ACSS2: variants seen among roughly 807,000 people sequenced by gnomAD.
ACSS2 encodes acyl-CoA synthetase short chain family member 2.
A neutral mutation model predicts 90.6 loss-of-function variants in ACSS2; 58 were observed. The ratio of observed to expected loss-of-function variants is 0.64; its 90% confidence interval spans 0.52 to 0.80. The LOEUF is 0.80. Among genes scored for constraint, ACSS2 ranks in the 30% least tolerant of loss-of-function variants. The pLI is 0.00. For synonymous variants in ACSS2, 300 were observed against 330.9 expected (o/e 0.91, Z 1.01); for missense variants, 759 against 912.0 (o/e 0.83, Z 2.16).
At chr20:34,917,967 G>C (rs922957051) in intron 7 of ACSS2, among the ~76,000 whole-genome samples, 3 of 152,092 alleles carry the variant, frequency 2.0e-5, no homozygotes, top group African/African-American at 7.2e-5. Flanking sequence ...TGGCCAGGCT[G>C]GTCTTGAACT....
chr20:34,896,792 C>T (rs1323341432), intron 2 of ACSS2, among the ~76,000 whole-genome samples: 1 of 152,230 alleles, frequency 6.6e-6, no homozygotes, highest in Non-Finnish European at 1.5e-5. Flanking sequence ...GCCTGCAATC[C>T]TAGCACTTTG....
At position 34,876,721 on chromosome 20, in the gene ACSS2, G is replaced by T; in HGVS notation, c.76G>T (p.Ala26Ser). Reference sequence around the variant, plus strand: ...GGAGGAAGCTGGAGCCGGAGGCCGGGCGCGGAGTTGGTCTCCGCCGCCCGA... The same window carrying T: ...GGAGGAAGCTGGAGCCGGAGGCCGGTCGCGGAGTTGGTCTCCGCCGCCCGA... Reference protein sequence around the residue: ...GQEEAGAGGRARSWSPPPEVS... With the variant: ...GQEEAGAGGRSRSWSPPPEVS... Residue 26 changes from alanine to serine, a missense_variant, in exon 1 of 18, where the codon GCG becomes TCG. By Grantham distance (99) the Ala-to-Ser change is moderately conservative (BLOSUM62 1). Transcript: ENST00000360596. The T allele has an allele frequency of 6.9e-7, 1 of 1,445,792 alleles. No individual in the cohort carries two copies. The highest frequency in any genetic ancestry group is 9.2e-7 in the Non-Finnish European group (1 of 1,091,536). The allele number at this position is 1,445,792 out of a possible 1,614,324, so 89.6% of individuals were successfully genotyped here.
rs1265751893 is a variant in ACSS2 at position 34,923,392 on chromosome 20, T to G, written c.1618T>G (p.Tyr540Asp). Residue 540 changes from tyrosine (Y) to aspartate (D), a missense_variant, in exon 14 of 18, where the codon TAC (tyrosine) becomes GAC (aspartate). Coordinates refer to ENST00000360596, the MANE Select transcript of ACSS2 (RefSeq NM_018677.4). ...GAACCACGAACGCTTTGAGACAACC[T>G]ACTTTAAGAAGTTTCCTGGATACTA... is the stretch of plus-strand genomic sequence containing the variant. ...YGNHERFETT[Y>D]FKKFPGYYVT... The G allele has an allele frequency of 1.2e-6, 2 of 1,614,224 alleles. No individual in the cohort carries two copies. The highest frequency in any genetic ancestry group is 3.3e-5 in the Admixed American group (2 of 60,030).
intron 2 of ACSS2, among the ~76,000 whole-genome samples, chr20:34,904,192 T>C (rs1007859206): frequency 2.0e-5 from 3 of 150,278 alleles, no homozygotes; most frequent in African/African-American, 7.3e-5. Flanking sequence ...TCATGGAAAA[T>C]GTTAATTCAG....
chr20:34,888,483 T>G (rs2080253157), intron 2 of ACSS2, among the ~76,000 whole-genome samples: 1 of 152,248 alleles, frequency 6.6e-6, no homozygotes, highest in Admixed American at 6.5e-5. Context: ...AAAAGGTTTA[T>G]GCAGGGAACA....
At position 34,877,818 on chromosome 20, in the gene ACSS2, C is replaced by CA. The variant is rs60819156; in HGVS notation, c.178+1026dup. Among the ~76,000 whole-genome samples the CA allele has an allele frequency of 2.4e-3, 220 of 91,190 alleles. 5 individuals carry two copies. Among genetic ancestry groups the CA allele is most frequent in the South Asian group, 4.5e-3 (14 of 3,114 alleles). The allele number at this position is 91,190 out of a possible 152,430, so 59.8% of individuals were successfully genotyped here. A position where few individuals can be genotyped will look rare whatever the true frequency, so the allele number is the denominator to read the frequency against. On this transcript the variant is annotated intron_variant, in intron 1 of 17. Transcript: ENST00000360596. ...TGGGCGACAGAGCAAGACTTTGTCT[C>CA]AAAAAAAAAAAAAAAAAAAAAAAAA...
At chr20:34,913,881 C>T (rs890790993) in intron 5 of ACSS2, 56 bp downstream of exon 5, 73 of 1,555,044 alleles carry the variant, frequency 4.7e-5, no homozygotes, top group Non-Finnish European at 6.0e-5. Flanking sequence ...GCCTTGGTCT[C>T]CAATCAGCTC....
At chr20:34,918,738 G>T (rs571603500) in intron 7 of ACSS2, among the ~76,000 whole-genome samples, 1 of 152,340 alleles carries the variant, frequency 6.6e-6, no homozygotes, top group South Asian at 2.1e-4. Context: ...ACTACTAACA[G>T]GGTCAGGTGC....
At chr20:34,901,949 C>G (rs1203734396) in intron 2 of ACSS2, among the ~76,000 whole-genome samples, 1 of 152,156 alleles carries the variant, frequency 6.6e-6, no homozygotes, top group African/African-American at 2.4e-5. Context: ...GCTACAAATC[C>G]CAGATTCAAC....
At chr20:34,913,254 T>C (rs1038140611) in intron 3 of ACSS2, 67 bp downstream of exon 3, 36 of 1,572,152 alleles carry the variant, frequency 2.3e-5, no homozygotes, top group African/African-American at 4.1e-5. Context: ...CTGAGACTTA[T>C]GGGGAGAGGG....
In ACSS2 at chr20:34,919,868, G is replaced by C. The variant is rs80093167; in HGVS notation, c.972+296G>C. ...AAGGAGAGCTATTCTGTTAACTCAAGGCCAAGGGTGGGCACAGAGATCCCT... is the reference window on the plus strand; with the variant it reads ...AAGGAGAGCTATTCTGTTAACTCAACGCCAAGGGTGGGCACAGAGATCCCT... On this transcript the variant is annotated intron_variant, in intron 8 of 17. Transcript: ENST00000360596. Among the ~76,000 whole-genome samples the C allele has an allele frequency of 2.1e-3, 325 of 152,122 alleles. 6 individuals are homozygous for C. Among genetic ancestry groups the C allele is most frequent in the South Asian group, 0.016 (77 of 4,810 alleles).
intron 2 of ACSS2, among the ~76,000 whole-genome samples, chr20:34,883,845 A>G (rs1290165954): frequency 2.6e-5 from 4 of 152,186 alleles, no homozygotes; most frequent in Admixed American, 2.0e-4. Flanking sequence ...ACTATACCGA[A>G]TCCAAATAGG....
intron 1 of ACSS2, among the ~76,000 whole-genome samples, chr20:34,879,558 A>C (rs1365691596): frequency 6.6e-6 from 1 of 151,564 alleles, no homozygotes; most frequent in Non-Finnish European, 1.5e-5. Flanking sequence ...ACCCAGAAAA[A>C]CTAAGTGTGC....
At chr20:34,923,147 C>G in intron 13 of ACSS2, 176 bp from the exon 14 acceptor site, 1 of 560,106 alleles carries the variant, frequency 1.8e-6, no homozygotes. Context: ...GGTAAAGTTA[C>G]TTCTCTGAGG....
intron 8 of ACSS2, among the ~76,000 whole-genome samples, chr20:34,919,989 G>A (rs780856777): frequency 1.4e-4 from 22 of 151,988 alleles, no homozygotes; most frequent in Non-Finnish European, 2.2e-4. Flanking sequence ...CATGGGAGCC[G>A]GAAACACTTA....
intron 2 of ACSS2, among the ~76,000 whole-genome samples, chr20:34,907,928 T>G (rs2080849270): frequency 6.6e-6 from 1 of 152,222 alleles, no homozygotes; most frequent in African/African-American, 2.4e-5. Context: ...TGACCTCTGT[T>G]AGTAAGAAAA....
upstream of ACSS2, chr20:34,876,435 T>G: frequency 4.6e-6 from 2 of 435,138 alleles, no homozygotes; most frequent in Non-Finnish European, 3.8e-6. Context: ...GACTTTTCCT[T>G]ATAGTATTTC....
chr20:34,876,539 C>T (rs921129021), upstream of ACSS2: 77 of 1,256,358 alleles, frequency 6.1e-5, no homozygotes, highest in African/African-American at 9.3e-4. Flanking sequence ...CCCCACTCAC[C>T]AGGCCCCGCC....
intron 13 of ACSS2, 157 bp downstream of exon 13, chr20:34,922,023 C>G: frequency 7.1e-7 from 1 of 1,406,108 alleles, no homozygotes; most frequent in East Asian, 2.5e-5. Flanking sequence ...TGGAGGGGAC[C>G]CTCGATACTT....
Sources: gnomAD v4.1 joint callset for allele counts (sites outside exome capture counted in the v4.1 genomes callset) on GRCh38, gnomAD v4.1.1 for gene constraint, MANE v1.5 for transcripts, NCBI Gene and HGNC (gene_info 2026-07-23, HGNC 2026-07-21) for gene names.